CDK14: variants seen among roughly 807,000 people sequenced by gnomAD.
The protein encoded by CDK14 is cyclin-dependent kinase 14.
Under a neutral mutation model 60.7 loss-of-function variants are expected in CDK14, and 34 were observed. The ratio of observed to expected loss-of-function variants is 0.56; its 90% CI spans 0.43 to 0.75. The LOEUF (loss-of-function observed/expected upper bound fraction) is 0.75, where lower values mean the gene tolerates loss of function less well. Among genes scored for constraint, CDK14 ranks in the 30% least tolerant of loss-of-function variants. CDK14 has a pLI of 0.00. For synonymous variants in CDK14, 197 were observed against 203.7 expected, an observed-to-expected ratio of 0.97 and a Z score of 0.28; for missense variants, 482 against 564.1, an observed-to-expected ratio of 0.85 and a Z score of 1.47.
intron 5 of CDK14, among the ~76,000 whole-genome samples, chr7:90,805,483 A>T (rs1487605771): frequency 1.3e-5 from 2 of 152,064 alleles, no homozygotes; most frequent in African/African-American, 4.8e-5. Context: ...AGCAATGAAC[A>T]TGTGGAAAAC....
At chr7:90,698,861 T>C (rs995977833) in intron 2 of CDK14, among the ~76,000 whole-genome samples, 4 of 152,200 alleles carry the variant, frequency 2.6e-5, no homozygotes, top group African/African-American at 9.6e-5. Context: ...TATGTAACCA[T>C]GGGTTCTCAG....
At chr7:90,709,855 T>A in intron 2 of CDK14, 1 of 1,382,880 alleles carries the variant, frequency 7.2e-7, no homozygotes, top group East Asian at 2.9e-5. Flanking sequence ...CAGAAAGATG[T>A]GAATTCAGTT....
intron 6 of CDK14, among the ~76,000 whole-genome samples, chr7:90,872,268 C>G (rs930476761): frequency 6.6e-6 from 1 of 152,038 alleles, no homozygotes; most frequent in Admixed American, 6.6e-5. Context: ...ATAGGCTTTT[C>G]TTTATGGAAG....
chr7:90,730,442 C>T (rs1467338959), intron 3 of CDK14, among the ~76,000 whole-genome samples: 2 of 152,122 alleles, frequency 1.3e-5, no homozygotes, highest in Non-Finnish European at 2.9e-5. Flanking sequence ...CTGTCTTCCA[C>T]GATGATTGAA....
intron 5 of CDK14, among the ~76,000 whole-genome samples, chr7:90,854,061 T>C (rs1790740441): frequency 1.3e-5 from 2 of 152,218 alleles, no homozygotes; most frequent in Non-Finnish European, 2.9e-5. Context: ...GAGTATCTTA[T>C]GTGCCTTTGG....
chr7:91,084,565 G>A (rs976588607), intron 12 of CDK14, among the ~76,000 whole-genome samples: 1 of 152,212 alleles, frequency 6.6e-6, no homozygotes, highest in African/African-American at 2.4e-5. Context: ...AAGAGGTTAA[G>A]CCCTGTCATT....
intron 6 of CDK14, among the ~76,000 whole-genome samples, chr7:90,878,532 A>C (rs1277232328): frequency 1.3e-5 from 2 of 151,710 alleles, no homozygotes; most frequent in Non-Finnish European, 2.9e-5. Flanking sequence ...CATACTGTAC[A>C]TCAGCCTTCA....
chr7:91,147,063 C>T (rs1365816918), intron 14 of CDK14, among the ~76,000 whole-genome samples: 3 of 151,872 alleles, frequency 2.0e-5, no homozygotes, highest in Admixed American at 6.6e-5. Flanking sequence ...TCATTTGCTT[C>T]ATCAGCATCG....
rs1791986538 is a variant in CDK14 at position 90,887,553 on chromosome 7, AT to A, written c.640-11735del. Among the ~76,000 whole-genome samples the A allele has an allele frequency of 2.0e-5, 3 of 152,264 alleles. No homozygotes were observed. The East Asian group carries it at 5.8e-4, about 29-fold the overall frequency. ...TAGATATACTCTATTCGTAACATAA[AT>A]TTATTTTTCAAACTATTTCTCCCAT... is the stretch of plus-strand genomic sequence containing the variant. On this transcript the variant is annotated intron_variant, in intron 6 of 14. Transcript: ENST00000380050.
intron 7 of CDK14, among the ~76,000 whole-genome samples, chr7:90,912,584 T>G (rs1191836477): frequency 6.6e-6 from 1 of 152,126 alleles, no homozygotes; most frequent in African/African-American, 2.4e-5. Flanking sequence ...TTAAGTAATT[T>G]GTTGGGGGTT....
At chr7:91,142,585 G>T (rs1221927826) in intron 14 of CDK14, among the ~76,000 whole-genome samples, 1 of 152,174 alleles carries the variant, frequency 6.6e-6, no homozygotes, top group Non-Finnish European at 1.5e-5. Context: ...TGCCTTCTTG[G>T]CCCTTATTGA....
chr7:90,893,438 G>A (rs1167640811), intron 6 of CDK14, among the ~76,000 whole-genome samples: 1 of 152,152 alleles, frequency 6.6e-6, no homozygotes, highest in Admixed American at 6.5e-5. Flanking sequence ...CAAGCCAGAT[G>A]CATCTGAGCT....
At chr7:90,917,866 CTT>C in intron 8 of CDK14, 142 bp downstream of exon 8, 1 of 739,490 alleles carries the variant, frequency 1.4e-6, no homozygotes, top group Non-Finnish European at 2.1e-6. Context: ...AGGATTTTTT[CTT>C]TTTTTTAATG....
Position 90,632,177 on chromosome 7 carries a change from A to G in CDK14, c.123+27928A>G, listed in dbSNP as rs527320828. ...TTGCCATGTGATTTGGGGGCAGTGAAGACTGTCACAGGTAGACTGATGGTG... is the reference window on the plus strand; with the variant it reads ...TTGCCATGTGATTTGGGGGCAGTGAGGACTGTCACAGGTAGACTGATGGTG... On this transcript the variant is annotated intron_variant, in intron 2 of 14. Coordinates refer to ENST00000380050, the MANE Select transcript of CDK14 (RefSeq NM_001287135.2). 1.1e-4 allele frequency: 18 copies of G among 165,326 alleles called. No homozygotes were observed. The South Asian group carries it at 1.6e-3, about 15-fold the overall frequency. The allele number at this position is 165,326 out of a possible 1,614,324, so 10.2% of individuals were successfully genotyped here.
At chr7:91,118,980 C>T (rs1310075284) in intron 14 of CDK14, among the ~76,000 whole-genome samples, 1 of 151,980 alleles carries the variant, frequency 6.6e-6, no homozygotes, top group African/African-American at 2.4e-5. Flanking sequence ...GGCCATCTTT[C>T]TTGATTGCCA....
At chr7:90,659,622 A>T (rs1381679388) in intron 2 of CDK14, among the ~76,000 whole-genome samples, 1 of 152,204 alleles carries the variant, frequency 6.6e-6, no homozygotes, top group African/African-American at 2.4e-5. Flanking sequence ...TGGTTAAAAA[A>T]GAAAAAGCAA....
In CDK14 at chr7:90,793,099, T is replaced by G. The variant is rs1355620831; in HGVS notation, c.544+2447T>G. ...GGAATGTGAAAATTTCTTTCCACTC[T>G]GTATATAATCTTAGTGAGGTCAGAG... On this transcript the variant is annotated intron_variant, in intron 5 of 14. Coordinates refer to ENST00000380050, the MANE Select transcript of CDK14 (RefSeq NM_001287135.2). Among the ~76,000 whole-genome samples, 3 of 145,750 alleles carry G rather than the reference T, an allele frequency of 2.1e-5. No homozygotes were observed. The East Asian group carries it at 5.9e-4, about 29-fold the overall frequency.
intron 8 of CDK14, among the ~76,000 whole-genome samples, chr7:90,935,184 C>T (rs1793711582): frequency 6.6e-6 from 1 of 152,260 alleles, no homozygotes; most frequent in East Asian, 1.9e-4. Flanking sequence ...AGATAATGAA[C>T]CAACTCCTGC....
chr7:90,742,961 C>A (rs1194488891), intron 3 of CDK14, among the ~76,000 whole-genome samples: 1 of 151,734 alleles, frequency 6.6e-6, no homozygotes, highest in Non-Finnish European at 1.5e-5. Context: ...GGAAGGGGAC[C>A]CCAAGTCTAA....
Sources: allele counts gnomAD v4.1 joint callset (sites outside exome capture counted in the v4.1 genomes callset), GRCh38; gene constraint gnomAD v4.1.1; transcripts MANE v1.5; gene names NCBI Gene and HGNC (gene_info 2026-07-23, HGNC 2026-07-21).